The following NUP93 variants were observed in gnomAD, a reference collection of about 807,000 sequenced individuals.
NUP93 encodes the protein nucleoporin 93, also known as nuclear pore complex protein Nup93.
NUP93 carries 55 observed loss-of-function variants against 107.8 expected under a neutral mutation model. The observed-to-expected ratio is 0.51, with a 90% confidence interval of 0.41 to 0.64. NUP93 has a LOEUF of 0.64. NUP93 is among the 30% of genes least tolerant of loss of function. NUP93 has a pLI of 0.00. For synonymous variants in NUP93, 390 were observed against 397.5 expected (o/e 0.98, Z 0.22); for missense variants, 937 against 1,044.7 (o/e 0.90, Z 1.42).
At chr16:56,753,321 A>C (rs528590810) in intron 2 of NUP93, among the ~76,000 whole-genome samples, 1 of 152,350 alleles carries the variant, frequency 6.6e-6, no homozygotes, top group African/African-American at 2.4e-5. Context: ...AAAAGTATAT[A>C]GTAATCTAGC....
At chr16:56,823,940 T>C in intron 8 of NUP93, 94 bp downstream of exon 8, 1 of 1,431,390 alleles carries the variant, frequency 7.0e-7, no homozygotes, top group Non-Finnish European at 9.4e-7. Flanking sequence ...AGGTGTGCTG[T>C]AGGTATAATT....
Position 56,841,722 on chromosome 16 carries a change from A to G in NUP93, c.2238A>G (p.Ser746=), listed in dbSNP as rs1371971157. ...CTATGTAGATCAGGCACAACCTCTC[A>G]GAAGTGCTTCTTGCCACCATGAACA... ...NFSDEIRHNL[S]EVLLATMNIL... The change falls in exon 21 of 22, where the codon TCA becomes TCG. Residue 746 remains serine, a synonymous_variant. Coordinates refer to ENST00000308159, the MANE Select transcript of NUP93 (RefSeq NM_014669.5). 1.2e-6 allele frequency: 2 copies of G among 1,614,196 alleles called. No individual in the cohort carries two copies. The highest frequency in any genetic ancestry group is 3.3e-5 in the Admixed American group (2 of 60,032).
chr16:56,782,330 G>A, intron 3 of NUP93: 1 of 534,528 alleles, frequency 1.9e-6, no homozygotes, highest in Non-Finnish European at 2.4e-6. Flanking sequence ...TTGAAAATTT[G>A]AGATAAATTT....
At chr16:56,766,147 G>A (rs1962212450) in intron 3 of NUP93, among the ~76,000 whole-genome samples, 1 of 152,288 alleles carries the variant, frequency 6.6e-6, no homozygotes, top group South Asian at 2.1e-4. Flanking sequence ...CTGAACGAGC[G>A]GGAAATGACA....
chr16:56,825,611 C>T (rs550059078), intron 8 of NUP93, among the ~76,000 whole-genome samples: 2 of 152,144 alleles, frequency 1.3e-5, no homozygotes, highest in East Asian at 1.9e-4. Flanking sequence ...TCCTTGACTT[C>T]ACCAATGGTA....
chr16:56,821,473 T>G, intron 6 of NUP93, 31 bp from the exon 7 acceptor site: 1 of 1,406,240 alleles, frequency 7.1e-7, no homozygotes, highest in Non-Finnish European at 1.0e-6. Context: ...AATAGATACT[T>G]TGCCATTTAC....
intron 8 of NUP93, among the ~76,000 whole-genome samples, chr16:56,824,960 A>T (rs1387102061): frequency 1.3e-5 from 2 of 152,200 alleles, no homozygotes; most frequent in Non-Finnish European, 2.9e-5. Context: ...TGGGTTTATC[A>T]ATCTTCAGCC....
At chr16:56,825,447 C>T (rs1474056897) in intron 8 of NUP93, among the ~76,000 whole-genome samples, 3 of 152,024 alleles carry the variant, frequency 2.0e-5, no homozygotes, top group Non-Finnish European at 4.4e-5. Context: ...TCAGGTGATC[C>T]ACTGGGCTCA....
chr16:56,743,929 T>C (rs371748926), intron 1 of NUP93, among the ~76,000 whole-genome samples: 15 of 152,318 alleles, frequency 9.8e-5, no homozygotes, highest in African/African-American at 3.6e-4. Context: ...CCTGATACTT[T>C]GCGATGCTCT....
At chr16:56,742,669 C>G (rs1187907759) in intron 1 of NUP93, among the ~76,000 whole-genome samples, 1 of 152,230 alleles carries the variant, frequency 6.6e-6, no homozygotes, top group Non-Finnish European at 1.5e-5. Context: ...AAGTGTTTGG[C>G]AGATATGTCT....
intron 6 of NUP93, among the ~76,000 whole-genome samples, chr16:56,821,081 G>A (rs1963532006): frequency 6.6e-6 from 1 of 152,180 alleles, no homozygotes; most frequent in Non-Finnish European, 1.5e-5. Flanking sequence ...ACTTGTGGAG[G>A]GAGGCAGTGC....
Position 56,836,644 on chromosome 16 carries a change from T to G in NUP93, c.1826T>G (p.Ile609Ser), listed in dbSNP as rs759630879. 6.2e-7 allele frequency: 1 copy of G among 1,613,990 alleles called. No homozygotes were observed. The highest frequency in any genetic ancestry group is 1.3e-5 in the African/African-American group (1 of 74,930). The change falls in exon 17 of 22, where the codon ATC (isoleucine) becomes AGC (serine). Residue 609 changes from isoleucine to serine, a missense_variant. Ile to Ser is a moderately radical substitution (Grantham distance 142). Transcript: ENST00000308159. Reference protein sequence around the residue: ...DKFTSDTKPIINKVASVAENK... With the variant: ...DKFTSDTKPISNKVASVAENK... ...TTTACTAGTGACACAAAGCCTATTA[T>G]CAACAAAGTTGCTTCTGTGGCAGAA...
At chr16:56,811,971 ATAAAG>A (rs1963325013) in intron 5 of NUP93, among the ~76,000 whole-genome samples, 1 of 152,162 alleles carries the variant, frequency 6.6e-6, no homozygotes, top group African/African-American at 2.4e-5. Flanking sequence ...TCCTTGATTT[ATAAAG>A]TATTGTTAGG....
At chr16:56,771,945 T>G (rs1962329489) in intron 3 of NUP93, among the ~76,000 whole-genome samples, 1 of 152,198 alleles carries the variant, frequency 6.6e-6, no homozygotes, top group Non-Finnish European at 1.5e-5. Flanking sequence ...TTTGGTTTTG[T>G]TTTTGCCATT....
chr16:56,795,407 C>G (rs1209996808), intron 3 of NUP93, among the ~76,000 whole-genome samples: 1 of 152,110 alleles, frequency 6.6e-6, no homozygotes, highest in Non-Finnish European at 1.5e-5. Flanking sequence ...TGTTTTGTGT[C>G]TGGGTCCCCT....
At chr16:56,773,557 T>C (rs571915543) in intron 3 of NUP93, among the ~76,000 whole-genome samples, 4 of 152,362 alleles carry the variant, frequency 2.6e-5, no homozygotes, top group South Asian at 4.1e-4. Context: ...AAAAGCCTTT[T>C]GGTCAGTGAT....
rs1430722800 is a variant in NUP93 at position 56,827,069 on chromosome 16, A to AAAAAAAAAAAAAAAAAAAAAAT, written c.795-1908_795-1907insAAAAAAAAAAAAAAAAAAAAAT. ...CAAAAAAAAAAAAAAAAAAAAAAAA[A>AAAAAAAAAAAAAAAAAAAAAAT]TTTTGTTGAGTCTGTTTCCTGTTAT... is the stretch of plus-strand genomic sequence containing the variant. On this transcript the variant is annotated intron_variant, in intron 8 of 21. Coordinates refer to ENST00000308159, the MANE Select transcript of NUP93 (RefSeq NM_014669.5). Among the ~76,000 whole-genome samples the AAAAAAAAAAAAAAAAAAAAAAT allele has an allele frequency of 1.0e-3, 127 of 125,626 alleles. 15 individuals are homozygous for AAAAAAAAAAAAAAAAAAAAAAT. The highest frequency in any genetic ancestry group is 1.6e-3 in the East Asian group (7 of 4,262). The allele number at this position is 125,626 out of a possible 152,430, so 82.4% of individuals were successfully genotyped here.
Position 56,841,738 on chromosome 16 carries a change from A to T in NUP93, c.2254A>T (p.Thr752Ser). The T allele has an allele frequency of 6.2e-7, 1 of 1,614,192 alleles. No individual in the cohort carries two copies. Residue 752 changes from threonine (T) to serine (S), a missense_variant, in exon 21 of 22, where the codon ACC (threonine) becomes TCC (serine). Coordinates refer to ENST00000308159, the MANE Select transcript of NUP93 (RefSeq NM_014669.5). ...CAACCTCTCAGAAGTGCTTCTTGCC[A>T]CCATGAACATCTTGTTCACACAGTT... ...RHNLSEVLLA[T>S]MNILFTQFKR...
chr16:56,833,542 C>CT (rs1214621700), intron 13 of NUP93, 136 bp downstream of exon 13: 3 of 660,052 alleles, frequency 4.5e-6, no homozygotes, highest in Non-Finnish European at 7.1e-6. Flanking sequence ...GACAGTTGAG[C>CT]TTTTTAGATG....
Sources: gnomAD v4.1 joint callset for allele counts (sites outside exome capture counted in the v4.1 genomes callset) on GRCh38, gnomAD v4.1.1 for gene constraint, MANE v1.5 for transcripts, NCBI Gene and HGNC (gene_info 2026-07-23, HGNC 2026-07-21) for gene names.